The following PEX7 variants were observed in gnomAD, a reference collection of about 807,000 sequenced individuals.
PEX7 encodes the protein PTS2 receptor.
PEX7 carries 34 observed loss-of-function variants against 47.5 expected under a neutral mutation model. The observed-to-expected ratio is 0.72, with a 90% CI of 0.54 to 0.95. The LOEUF (loss-of-function observed/expected upper bound fraction) is 0.95, where lower values mean the gene tolerates loss of function less well. PEX7 is among the 40% of genes least tolerant of loss of function. PEX7 has a pLI of 0.00. For synonymous variants in PEX7, 141 were observed against 148.8 expected, an observed-to-expected ratio of 0.95 and a Z score of 0.38; for missense variants, 394 against 400.3, an observed-to-expected ratio of 0.98 and a Z score of 0.13.
chr6:136,868,750 A>G (rs1775119282), intron 6 of PEX7, among the ~76,000 whole-genome samples: 1 of 151,658 alleles, frequency 6.6e-6, no homozygotes, highest in Non-Finnish European at 1.5e-5. Flanking sequence ...TTTTGCGCCA[A>G]CTTAAATCCA....
At chr6:136,864,124 T>C (rs1242569557) in intron 5 of PEX7, among the ~76,000 whole-genome samples, 1 of 152,174 alleles carries the variant, frequency 6.6e-6, no homozygotes, top group African/African-American at 2.4e-5. Flanking sequence ...TCCTCATTTG[T>C]ATAGTACTAT....
At chr6:136,902,645 A>G (rs1236658548) in intron 9 of PEX7, among the ~76,000 whole-genome samples, 1 of 151,120 alleles carries the variant, frequency 6.6e-6, no homozygotes, top group East Asian at 1.9e-4. Flanking sequence ...TATCCTTCTT[A>G]TTTCTAAATT....
chr6:136,862,055 A>T (rs1275014750), intron 5 of PEX7, among the ~76,000 whole-genome samples: 1 of 143,642 alleles, frequency 7.0e-6, no homozygotes, highest in African/African-American at 2.5e-5. Context: ...ATATATATAT[A>T]TATTATATAT....
chr6:136,878,160 C>T (rs1373078679), intron 8 of PEX7, among the ~76,000 whole-genome samples: 2 of 152,122 alleles, frequency 1.3e-5, no homozygotes, highest in African/African-American at 4.8e-5. Context: ...ATTTTGTATC[C>T]TGAGACTTTG....
At chr6:136,899,085 T>C (rs1036921582) in intron 9 of PEX7, among the ~76,000 whole-genome samples, 26 of 142,868 alleles carry the variant, frequency 1.8e-4, no homozygotes, top group Non-Finnish European at 2.4e-4. Flanking sequence ...CTTTTCTTTT[T>C]TTTTTTTTTT....
Position 136,872,182 on chromosome 6 carries a change from CTTT to C in PEX7, c.748-7_748-5del. The C allele has an allele frequency of 8.6e-7, 1 of 1,162,508 alleles. No homozygotes were observed. The highest frequency in any genetic ancestry group is 2.2e-5 in the Admixed American group (1 of 45,964). 72.0% of individuals were successfully genotyped at this position (1,162,508 alleles called of 1,614,324 possible). On this transcript the variant is annotated splice_polypyrimidine_tract_variant and intron_variant, in intron 7 of 9. Coordinates refer to ENST00000318471, the MANE Select transcript of PEX7 (RefSeq NM_000288.4). Reference sequence around the variant, plus strand: ...TGACTTCAAAAAGGGTTTTTTTTTTCTTTTTTTTTTTGTAGTTTTCACCATTTC... The same window carrying C: ...TGACTTCAAAAAGGGTTTTTTTTTTCTTTTTTTTGTAGTTTTCACCATTTC...
chr6:136,866,703 C>T lies in PEX7; in HGVS notation c.603C>T (p.Ile201=). The change falls in exon 6 of 10, where the codon ATC becomes ATT. Residue 201 remains isoleucine, a synonymous_variant. Coordinates refer to ENST00000318471, the MANE Select transcript of PEX7 (RefSeq NM_000288.4). ...RIVIPAHQAE[I]LSCDWCKYNE... is the part of the protein sequence containing the mutation. ...TGATTCCTGCACATCAGGCAGAAAT[C>T]TTGAGTTGTGACTGGTGTAAATACA... 2 of 1,613,956 alleles carry T rather than the reference C, an allele frequency of 1.2e-6. No individual in the cohort carries two copies. The highest frequency in any genetic ancestry group is 1.7e-6 in the Non-Finnish European group (2 of 1,179,918).
intron 1 of PEX7, among the ~76,000 whole-genome samples, chr6:136,823,800 G>C (rs963620275): frequency 6.6e-6 from 1 of 152,164 alleles, no homozygotes; most frequent in Admixed American, 6.5e-5. Context: ...TGAGGTAAGA[G>C]AATAGTTTGA....
At chr6:136,826,234 A>G (rs1238168329) in intron 2 of PEX7, 85 bp from the exon 3 acceptor site, 2 of 1,472,572 alleles carry the variant, frequency 1.4e-6, no homozygotes, top group Non-Finnish European at 1.9e-6. Flanking sequence ...TTGAAAGAAA[A>G]AAAACCATAA....
At chr6:136,824,509 G>A (rs979907944) in intron 1 of PEX7, among the ~76,000 whole-genome samples, 2 of 152,008 alleles carry the variant, frequency 1.3e-5, no homozygotes, top group South Asian at 2.1e-4. Context: ...GGCCTGTAAT[G>A]CTACTTAAAA....
chr6:136,871,282 A>C (rs1049052170), intron 7 of PEX7, among the ~76,000 whole-genome samples: 8 of 152,200 alleles, frequency 5.3e-5, no homozygotes, highest in African/African-American at 1.9e-4. Context: ...GTAATTGCAA[A>C]GGTCAACTTA....
intron 8 of PEX7, among the ~76,000 whole-genome samples, chr6:136,884,128 A>G (rs1219164239): frequency 6.6e-6 from 1 of 152,146 alleles, no homozygotes; most frequent in African/African-American, 2.4e-5. Context: ...TATTACATGT[A>G]TATATATTTG....
chr6:136,851,326 G>T (rs1582748582), intron 5 of PEX7, among the ~76,000 whole-genome samples: 1 of 17,452 alleles, frequency 5.7e-5, no homozygotes, highest in Admixed American at 7.7e-4. Flanking sequence ...CAAAGGACAT[G>T]AACTCATCAT....
Position 136,866,632 on chromosome 6 carries a change from C to A in PEX7, c.532C>A (p.Gln178Lys). Residue 178 changes from glutamine to lysine, a missense_variant, in exon 6 of 10, where the codon CAG becomes AAG. By Grantham distance (53) the Gln-to-Lys change is moderately conservative. Transcript: ENST00000318471. ...CAAGTCTTCCTTTTTACTAGGTGAT[C>A]AGACTCTGAGAATATGGGATGTGAA... is the stretch of plus-strand genomic sequence containing the variant. ...PGCFASASGD[Q>K]TLRIWDVKAA... 1 of 1,613,550 alleles carries A rather than the reference C, an allele frequency of 6.2e-7. No individual in the cohort carries two copies. Among genetic ancestry groups the A allele is most frequent in the South Asian group, 1.1e-5 (1 of 91,054 alleles).
chr6:136,858,610 G>A (rs1054564220), intron 5 of PEX7, among the ~76,000 whole-genome samples: 1 of 152,192 alleles, frequency 6.6e-6, no homozygotes, highest in South Asian at 2.1e-4. Context: ...TGAATCTAGT[G>A]AACAGCCCAA....
chr6:136,867,855 G>T (rs1190793433), intron 6 of PEX7, among the ~76,000 whole-genome samples: 3 of 152,042 alleles, frequency 2.0e-5, no homozygotes, highest in Admixed American at 6.6e-5. Flanking sequence ...AGTGAGCTAA[G>T]GTTAATTTAT....
intron 3 of PEX7, among the ~76,000 whole-genome samples, chr6:136,827,254 T>A (rs745432308): frequency 8.5e-5 from 13 of 152,228 alleles, no homozygotes; most frequent in Non-Finnish European, 1.9e-4. Flanking sequence ...TCCAGATGTT[T>A]TATAGCTGTA....
chr6:136,844,292 C>T (rs1774555454), intron 3 of PEX7, among the ~76,000 whole-genome samples: 1 of 152,052 alleles, frequency 6.6e-6, no homozygotes, highest in Admixed American at 6.6e-5. Flanking sequence ...ACCGCTTGAG[C>T]CCAGGAGGTC....
At chr6:136,853,425 A>T (rs1349248158) in intron 5 of PEX7, among the ~76,000 whole-genome samples, 1 of 152,058 alleles carries the variant, frequency 6.6e-6, no homozygotes, top group Non-Finnish European at 1.5e-5. Flanking sequence ...TCTTTCAGTT[A>T]TGCAGCATCC....
Sources: gnomAD v4.1 joint callset for allele counts (sites outside exome capture counted in the v4.1 genomes callset) on GRCh38, gnomAD v4.1.1 for gene constraint, MANE v1.5 for transcripts, NCBI Gene and HGNC (gene_info 2026-07-23, HGNC 2026-07-21) for gene names.